Variants in TRPM6 observed in about 807,000 individuals in gnomAD.
TRPM6 encodes channel kinase 2.
In TRPM6, 111 loss-of-function variants were observed where a neutral mutation model predicts 247.6. The observed-to-expected ratio is 0.45, with a 90% confidence interval of 0.38 to 0.52. The LOEUF is 0.52. Ranked by LOEUF, TRPM6 falls within the 20% of genes least tolerant of loss-of-function variation. The pLI is 0.00. For missense variants in TRPM6, 2,126 were observed against 2,421.5 expected (o/e 0.88, Z 2.56); for synonymous variants, 892 against 853.8 (o/e 1.04, Z -0.78).
At chr9:74,760,864 G>A (rs927182092) in intron 27 of TRPM6, among the ~76,000 whole-genome samples, 2 of 152,164 alleles carry the variant, frequency 1.3e-5, no homozygotes, top group Non-Finnish European at 2.9e-5. Flanking sequence ...GGATTATGGA[G>A]GGGATAGGTT....
chr9:74,765,191 G>T (rs1826787802), intron 25 of TRPM6, among the ~76,000 whole-genome samples: 2 of 151,746 alleles, frequency 1.3e-5, no homozygotes, highest in African/African-American at 4.8e-5. Flanking sequence ...TATTTTCTTG[G>T]GCTATTTCTA....
chr9:74,777,124 A>C (rs1344400625), intron 23 of TRPM6, among the ~76,000 whole-genome samples: 1 of 152,222 alleles, frequency 6.6e-6, no homozygotes, highest in Non-Finnish European at 1.5e-5. Context: ...AACCAGCAGC[A>C]GCAGCATCAC....
At chr9:74,812,796 G>A (rs1466886943) in intron 11 of TRPM6, among the ~76,000 whole-genome samples, 1 of 152,132 alleles carries the variant, frequency 6.6e-6, no homozygotes, top group Non-Finnish European at 1.5e-5. Flanking sequence ...AGGCTGAGGT[G>A]GGAGGACCAA....
At position 74,862,630 on chromosome 9, in the gene TRPM6, A is replaced by G. The variant is rs146886703; in HGVS notation, c.34-3882T>C. ...TGAATGTGAAATTCATTTATGTTTC[A>G]TATACATCTTATATGCACAGACAAA... On this transcript the variant is annotated intron_variant, in intron 1 of 38. Coordinates refer to ENST00000360774, the MANE Select transcript of TRPM6 (RefSeq NM_017662.5). 6.5e-3 allele frequency among the ~76,000 whole-genome samples: 988 copies of G among 152,330 alleles called. 14 individuals are homozygous for G. Among genetic ancestry groups the G allele is most frequent in the African/African-American group, 0.023 (957 of 41,574 alleles).
In TRPM6 at chr9:74,800,374, G is replaced by C. The variant is rs149238868; in HGVS notation, c.2118C>G (p.Thr706=). Residue 706 remains threonine (T), a synonymous_variant, in exon 17 of 39, where the codon ACC becomes ACG. Coordinates refer to ENST00000360774, the MANE Select transcript of TRPM6 (RefSeq NM_017662.5). The part of the protein sequence containing the change: ...TYELRNWSNS[T]CLKLAVSGGL... ...CTCCCGACACGGCCAGTTTAAGGCA[G>C]GTCGAATTGCTCCAGTTCCTGAGTT... The C allele has an allele frequency of 1.9e-6, 3 of 1,614,026 alleles. No homozygotes were observed. In the African/African-American group the frequency reaches 4.0e-5, roughly 22 times the overall value.
At chr9:74,799,549 T>TAC (rs140623880) in intron 17 of TRPM6, among the ~76,000 whole-genome samples, 1,789 of 145,208 alleles carry the variant, frequency 0.012, 34 homozygotes, top group African/African-American at 0.034. Flanking sequence ...CACACACACA[T>TAC]ACACACACAC....
rs776703735 is a variant in TRPM6 at position 74,750,771 on chromosome 9, C to G, written c.4999-49G>C. 5.1e-6 allele frequency: 8 copies of G among 1,557,664 alleles called. No homozygotes were observed. In the South Asian group the frequency reaches 8.9e-5, roughly 17 times the overall value. Reference sequence around the variant, plus strand: ...ACGTGTGTGCTCAACATAGTCCCACCCCAAGTTTCTAGGAATGATCTGCCA... The same window carrying G: ...ACGTGTGTGCTCAACATAGTCCCACGCCAAGTTTCTAGGAATGATCTGCCA... On this transcript the variant is annotated intron_variant, in intron 29 of 38. Transcript: ENST00000360774.
intron 1 of TRPM6, among the ~76,000 whole-genome samples, chr9:74,869,887 A>G (rs571391621): frequency 2.0e-5 from 3 of 152,344 alleles, no homozygotes; most frequent in South Asian, 2.1e-4. Context: ...TCTCTGATAG[A>G]TATCAGAAAG....
chr9:74,765,901 T>C (rs1826811073), intron 25 of TRPM6, among the ~76,000 whole-genome samples: 1 of 152,256 alleles, frequency 6.6e-6, no homozygotes, highest in Non-Finnish European at 1.5e-5. Flanking sequence ...GCTTCTGCTA[T>C]AGAATTCAAC....
intron 20 of TRPM6, 139 bp downstream of exon 20, chr9:74,788,475 G>A: frequency 2.0e-6 from 2 of 991,096 alleles, no homozygotes; most frequent in South Asian, 2.6e-5. Flanking sequence ...TATGCAGCAT[G>A]TAAGTCAAGG....
intron 25 of TRPM6, among the ~76,000 whole-genome samples, chr9:74,766,053 C>G (rs529745358): frequency 6.6e-6 from 1 of 152,162 alleles, no homozygotes; most frequent in Non-Finnish European, 1.5e-5. Context: ...GCCTCTCCAA[C>G]CAGTGAACTG....
At chr9:74,820,215 T>C (rs1052589496) in intron 9 of TRPM6, 89 bp downstream of exon 9, 15 of 1,427,050 alleles carry the variant, frequency 1.1e-5, no homozygotes, top group African/African-American at 7.1e-5. Flanking sequence ...GTGTCCACCA[T>C]GTTTTTTTTT....
intron 9 of TRPM6, 129 bp downstream of exon 9, chr9:74,820,175 G>T: frequency 9.7e-7 from 1 of 1,031,920 alleles, no homozygotes; most frequent in Non-Finnish European, 1.5e-6. Context: ...CCTCCACCCT[G>T]ACAGGCCCCT....
chr9:74,828,104 A>G (rs764960692), intron 6 of TRPM6, among the ~76,000 whole-genome samples, 155 bp from the exon 7 acceptor site: 7 of 152,214 alleles, frequency 4.6e-5, no homozygotes, highest in Non-Finnish European at 8.8e-5. Context: ...CTGTAATCCC[A>G]GCACTTTGGG....
At chr9:74,856,048 G>A (rs989217333) in intron 2 of TRPM6, among the ~76,000 whole-genome samples, 2 of 151,842 alleles carry the variant, frequency 1.3e-5, no homozygotes, top group African/African-American at 4.8e-5. Context: ...ATCAAATAAG[G>A]GACATTTGGT....
chr9:74,873,404 G>A (rs1310364937), intron 1 of TRPM6, among the ~76,000 whole-genome samples: 1 of 152,194 alleles, frequency 6.6e-6, no homozygotes, highest in Non-Finnish European at 1.5e-5. Context: ...GCCTGAAGAA[G>A]ATACTGTATT....
At position 74,829,220 on chromosome 9, in the gene TRPM6, A is replaced by C. The variant is rs1032033174; in HGVS notation, c.670-1271T>G. Among the ~76,000 whole-genome samples, 9 of 152,248 alleles carry C rather than the reference A, an allele frequency of 5.9e-5. No individual in the cohort carries two copies. In the South Asian group the frequency reaches 1.9e-3, roughly 32 times the overall value. On this transcript the variant is annotated intron_variant, in intron 6 of 38. Coordinates refer to ENST00000360774, the MANE Select transcript of TRPM6 (RefSeq NM_017662.5). ...AGCACAAGAATCACTTGAACCTGGG[A>C]GGTGGAGGTTGCAGTGAGCCAAGAT...
intron 1 of TRPM6, among the ~76,000 whole-genome samples, chr9:74,862,692 A>G (rs1487944752): frequency 1.3e-5 from 2 of 152,194 alleles, no homozygotes; most frequent in Non-Finnish European, 2.9e-5. Flanking sequence ...AAATTTATAC[A>G]TAAAATTGTC....
chr9:74,852,029 A>G (rs1416471381), intron 3 of TRPM6, among the ~76,000 whole-genome samples: 1 of 151,836 alleles, frequency 6.6e-6, no homozygotes, highest in Non-Finnish European at 1.5e-5. Flanking sequence ...GTAGCTACTC[A>G]GGAGGCTGAA....
Sources: gnomAD v4.1 joint callset for allele counts (sites outside exome capture counted in the v4.1 genomes callset) on GRCh38, gnomAD v4.1.1 for gene constraint, MANE v1.5 for transcripts, NCBI Gene and HGNC (gene_info 2026-07-23, HGNC 2026-07-21) for gene names.